Variants in CD44 observed in about 807,000 individuals in gnomAD.
CD44 encodes the protein CD44 antigen.
CD44 carries 49 observed loss-of-function variants against 88.8 expected under a neutral mutation model. The ratio of observed to expected loss-of-function variants is 0.55; its 90% CI spans 0.44 to 0.70. The LOEUF is 0.70. CD44 is among the 30% of genes least tolerant of loss of function. The pLI is 0.00. For missense variants in CD44, 883 were observed against 913.8 expected (o/e 0.97, Z 0.43); for synonymous variants, 325 against 312.3 (o/e 1.04, Z -0.43).
intron 5 of CD44, among the ~76,000 whole-genome samples, chr11:35,192,430 T>G (rs964872247): frequency 6.6e-5 from 10 of 152,222 alleles, no homozygotes; most frequent in Admixed American, 2.0e-4. Context: ...ACCTTATCAC[T>G]GTTGGACTGA....
chr11:35,181,903 T>C (rs1168047389), intron 3 of CD44, among the ~76,000 whole-genome samples: 2 of 65,206 alleles, frequency 3.1e-5, no homozygotes, highest in East Asian at 5.2e-4. Context: ...TAATATAATA[T>C]ATAATATATA....
intron 12 of CD44, 68 bp downstream of exon 12, chr11:35,208,274 C>T: frequency 9.4e-7 from 1 of 1,065,482 alleles, no homozygotes; most frequent in Non-Finnish European, 1.5e-6. Context: ...TCGCTATTGG[C>T]CAAGATGCAG....
At chr11:35,208,556 A>C (rs1948108737) in intron 12 of CD44, among the ~76,000 whole-genome samples, 1 of 152,160 alleles carries the variant, frequency 6.6e-6, no homozygotes, top group Admixed American at 6.5e-5. Flanking sequence ...TTCAATGTCC[A>C]TCTTTCCTCC....
chr11:35,189,508 CT>C (rs1946057363), intron 4 of CD44, among the ~76,000 whole-genome samples: 1 of 152,206 alleles, frequency 6.6e-6, no homozygotes, highest in Non-Finnish European at 1.5e-5. Flanking sequence ...GTGCTGAGCA[CT>C]TTACTTACAA....
intron 4 of CD44, among the ~76,000 whole-genome samples, chr11:35,189,201 G>A (rs1946023381): frequency 6.6e-6 from 1 of 152,158 alleles, no homozygotes; most frequent in Non-Finnish European, 1.5e-5. Context: ...TAATTTCCAG[G>A]TTGAATTTCA....
At chr11:35,206,363 G>C (rs775325370) in intron 11 of CD44, 120 bp downstream of exon 11, 3 of 994,968 alleles carry the variant, frequency 3.0e-6, no homozygotes, top group Admixed American at 2.9e-5. Context: ...AAGGACCTGA[G>C]GTTCTTCAAA....
intron 16 of CD44, 119 bp downstream of exon 16, chr11:35,219,506 C>A: frequency 1.4e-6 from 1 of 711,812 alleles, no homozygotes; most frequent in South Asian, 1.5e-5. Context: ...CATATGAATC[C>A]AATTGCTCCT....
chr11:35,168,714 A>T (rs561387679), intron 1 of CD44, among the ~76,000 whole-genome samples: 5 of 152,218 alleles, frequency 3.3e-5, no homozygotes, highest in African/African-American at 9.7e-5. Context: ...AAATTAACTC[A>T]TTTTGCAGAA....
At chr11:35,173,890 G>C (rs1944175141) in intron 1 of CD44, among the ~76,000 whole-genome samples, 3 of 152,204 alleles carry the variant, frequency 2.0e-5, no homozygotes, top group Admixed American at 2.0e-4. Flanking sequence ...ACATAGTAAA[G>C]TGGTTCAAAT....
chr11:35,220,736 T>C (rs1949223237), intron 16 of CD44, among the ~76,000 whole-genome samples: 1 of 150,362 alleles, frequency 6.7e-6, no homozygotes, highest in African/African-American at 2.4e-5. Flanking sequence ...CATCCAGAAA[T>C]ACCATGGTTA....
At chr11:35,183,542 T>G (rs990906868) in intron 3 of CD44, among the ~76,000 whole-genome samples, 8 of 152,196 alleles carry the variant, frequency 5.3e-5, no homozygotes, top group African/African-American at 1.9e-4. Context: ...CATGTCCCAG[T>G]GCTGTGATCC....
intron 2 of CD44, among the ~76,000 whole-genome samples, chr11:35,179,066 C>CTTGG (rs1944739681): frequency 1.3e-5 from 2 of 152,132 alleles, no homozygotes; most frequent in East Asian, 3.8e-4. Context: ...GCTAAGGAGG[C>CTTGG]TTTGGGGAAA....
chr11:35,187,400 A>G (rs577515546), intron 4 of CD44, among the ~76,000 whole-genome samples: 2 of 152,206 alleles, frequency 1.3e-5, no homozygotes, highest in Admixed American at 6.5e-5. Flanking sequence ...ACACTCATGC[A>G]TCGTTCCTCA....
At chr11:35,223,332 T>A (rs761870495) in intron 17 of CD44, 2 of 975,606 alleles carry the variant, frequency 2.1e-6, no homozygotes, top group Non-Finnish European at 1.2e-6. Flanking sequence ...TTGTGTGCAA[T>A]CAGCCCTTTA....
intron 1 of CD44, among the ~76,000 whole-genome samples, chr11:35,167,372 A>T (rs1943413698): frequency 6.6e-6 from 1 of 152,186 alleles, no homozygotes; most frequent in Non-Finnish European, 1.5e-5. Flanking sequence ...CACAAGAGAA[A>T]TTGGTTAGAA....
chr11:35,193,062 G>C (rs1243198834), intron 5 of CD44, among the ~76,000 whole-genome samples: 1 of 151,948 alleles, frequency 6.6e-6, no homozygotes, highest in African/African-American at 2.4e-5. Flanking sequence ...GGATTTTCCC[G>C]GGGATGCTCA....
chr11:35,229,422 T>C lies in CD44; in HGVS notation c.*89T>C. 1.3e-6 allele frequency: 1 copy of C among 766,118 alleles called. No homozygotes were observed. Among genetic ancestry groups the C allele is most frequent in the Non-Finnish European group, 2.2e-6 (1 of 463,790 alleles). The allele number at this position is 766,118 out of a possible 1,614,324, so 47.5% of individuals were successfully genotyped here. Reference sequence around the variant, plus strand: ...ACACTTAACAGATGCAATGTGCTACTGATTGTTTCATTGCGAATCTTTTTT... The same window carrying C: ...ACACTTAACAGATGCAATGTGCTACCGATTGTTTCATTGCGAATCTTTTTT... On this transcript the variant is annotated 3_prime_UTR_variant, in exon 18 of 18. Coordinates refer to ENST00000428726, the MANE Select transcript of CD44 (RefSeq NM_000610.4).
intron 3 of CD44, among the ~76,000 whole-genome samples, chr11:35,181,953 TAA>T (rs1945155954): frequency 1.1e-5 from 1 of 89,358 alleles, no homozygotes; most frequent in Non-Finnish European, 2.1e-5. Context: ...ATAATATATA[TAA>T]ATTTTATATA....
chr11:35,199,547 G>T (rs1001218471), intron 7 of CD44, among the ~76,000 whole-genome samples: 1 of 151,210 alleles, frequency 6.6e-6, no homozygotes. Context: ...GAGAAGAAAG[G>T]GTCCAGAAAA....
Sources: gnomAD v4.1 joint callset for allele counts (sites outside exome capture counted in the v4.1 genomes callset) on GRCh38, gnomAD v4.1.1 for gene constraint, MANE v1.5 for transcripts, NCBI Gene and HGNC (gene_info 2026-07-23, HGNC 2026-07-21) for gene names.